Variants in ASTN2 observed in about 807,000 individuals in gnomAD.
ASTN2 encodes astrotactin 2, also known as astrotactin-2.
A neutral mutation model predicts 139.8 loss-of-function variants in ASTN2; 54 were observed. The observed-to-expected ratio is 0.39, with a 90% CI of 0.31 to 0.48. The LOEUF is 0.48. ASTN2 is among the 20% of genes least tolerant of loss of function. ASTN2 has a pLI of 0.95. For synonymous variants in ASTN2, 756 were observed against 719.5 expected, an observed-to-expected ratio of 1.05 and a Z score of -0.81; for missense variants, 1,565 against 1,725.1, an observed-to-expected ratio of 0.91 and a Z score of 1.64.
At chr9:116,928,324 T>C (rs1274173293) in intron 10 of ASTN2, among the ~76,000 whole-genome samples, 2 of 152,190 alleles carry the variant, frequency 1.3e-5, no homozygotes, top group Non-Finnish European at 2.9e-5. Context: ...AGTCCAGCAA[T>C]TTAACCATTA....
chr9:117,278,701 G>T (rs1834253588), intron 2 of ASTN2, among the ~76,000 whole-genome samples: 1 of 152,182 alleles, frequency 6.6e-6, no homozygotes, highest in Admixed American at 6.5e-5. Flanking sequence ...GTGTTATTTT[G>T]CTATTAAAGA....
chr9:116,757,345 C>T (rs1346971713), intron 13 of ASTN2, among the ~76,000 whole-genome samples: 3 of 152,108 alleles, frequency 2.0e-5, no homozygotes, highest in Non-Finnish European at 4.4e-5. Flanking sequence ...TTTTGGCATG[C>T]GTGAACTTAA....
intron 2 of ASTN2, among the ~76,000 whole-genome samples, chr9:117,253,946 C>G (rs1833610313): frequency 6.6e-6 from 1 of 152,136 alleles, no homozygotes; most frequent in Non-Finnish European, 1.5e-5. Context: ...CACCAGGAAG[C>G]CTTTCTGAGT....
chr9:116,940,798 A>G (rs1253647199), intron 10 of ASTN2, among the ~76,000 whole-genome samples: 2 of 151,984 alleles, frequency 1.3e-5, no homozygotes, highest in African/African-American at 4.8e-5. Context: ...CCCACTACTC[A>G]CTCACTGACT....
intron 6 of ASTN2, among the ~76,000 whole-genome samples, chr9:117,029,647 T>C (rs1236719043): frequency 1.3e-5 from 2 of 151,502 alleles, no homozygotes; most frequent in African/African-American, 4.8e-5. Context: ...ACAGAGAGTA[T>C]GGTATGCAAA....
chr9:116,857,597 G>A (rs985923095), intron 11 of ASTN2, among the ~76,000 whole-genome samples: 3 of 152,174 alleles, frequency 2.0e-5, no homozygotes, highest in Admixed American at 6.5e-5. Flanking sequence ...AACTGGAAGG[G>A]AGTCTTGGAA....
At chr9:116,492,236 C>A (rs1415742019) in intron 19 of ASTN2, among the ~76,000 whole-genome samples, 2 of 152,042 alleles carry the variant, frequency 1.3e-5, no homozygotes, top group Non-Finnish European at 2.9e-5. Context: ...TGCCCACCAC[C>A]ATGCCTGGCT....
At chr9:117,284,124 A>G (rs1017534839) in intron 2 of ASTN2, among the ~76,000 whole-genome samples, 1 of 152,122 alleles carries the variant, frequency 6.6e-6, no homozygotes, top group South Asian at 2.1e-4. Flanking sequence ...TCAATTTTTA[A>G]ATGAGGTTGT....
At chr9:116,501,567 T>C (rs1849854622) in intron 19 of ASTN2, among the ~76,000 whole-genome samples, 1 of 152,082 alleles carries the variant, frequency 6.6e-6, no homozygotes, top group Non-Finnish European at 1.5e-5. Flanking sequence ...GTTGAACTAG[T>C]TTACAGTCCC....
At chr9:116,592,225 C>T (rs1854405930) in intron 19 of ASTN2, among the ~76,000 whole-genome samples, 1 of 152,040 alleles carries the variant, frequency 6.6e-6, no homozygotes, top group East Asian at 1.9e-4. Context: ...TGAGAATGGA[C>T]AATTTATAAA....
Position 116,462,787 on chromosome 9 carries a change from C to CGTGTGTGTGTGTGTGTGTGTGTGTGTGT in ASTN2, c.3498-20235_3498-20234insACACACACACACACACACACACACACAC, listed in dbSNP as rs1376062376. Among the ~76,000 whole-genome samples, 37 of 97,634 alleles carry CGTGTGTGTGTGTGTGTGTGTGTGTGTGT rather than the reference C, an allele frequency of 3.8e-4. 1 individual carries two copies. The East Asian group carries it at 0.01, about 28-fold the overall frequency. The allele number at this position is 97,634 out of a possible 152,430, so 64.1% of individuals were successfully genotyped here. On this transcript the variant is annotated intron_variant, in intron 20 of 22. Transcript: ENST00000313400. ...TCTTTAAGGGTAAGTGTTGGGTGAG[C>CGTGTGTGTGTGTGTGTGTGTGTGTGTGT]ATGTGTGTGTGTGTGTGTGTGTGTG...
At chr9:116,607,724 C>CACAT (rs1855286678) in intron 19 of ASTN2, among the ~76,000 whole-genome samples, 1 of 142,756 alleles carries the variant, frequency 7.0e-6, no homozygotes, top group South Asian at 2.2e-4. Context: ...CACACACACA[C>CACAT]GCTGAAGCAG....
chr9:116,854,904 G>A (rs1044023952), intron 11 of ASTN2, among the ~76,000 whole-genome samples: 6 of 151,854 alleles, frequency 4.0e-5, no homozygotes, highest in Middle Eastern at 3.4e-3. Flanking sequence ...CGCCTACCTC[G>A]GCCTCCCAAA....
intron 2 of ASTN2, among the ~76,000 whole-genome samples, chr9:117,284,733 T>C (rs1362118956): frequency 6.6e-6 from 1 of 152,198 alleles, no homozygotes; most frequent in Non-Finnish European, 1.5e-5. Context: ...CAGGGCTGTG[T>C]GTCAGGCTCC....
chr9:116,529,896 T>C (rs948483598), intron 19 of ASTN2, among the ~76,000 whole-genome samples: 3 of 151,948 alleles, frequency 2.0e-5, no homozygotes, highest in Admixed American at 6.6e-5. Context: ...ATTAAACCTC[T>C]TTTGTTTATA....
intron 7 of ASTN2, among the ~76,000 whole-genome samples, chr9:116,981,714 C>G (rs946832235): frequency 6.6e-6 from 1 of 152,120 alleles, no homozygotes; most frequent in Admixed American, 6.5e-5. Flanking sequence ...TTGACATTAC[C>G]AAGTTTTCTA....
In ASTN2 at chr9:116,758,719, A is replaced by G. The variant is rs905145373; in HGVS notation, c.2397-25196T>C. Among the ~76,000 whole-genome samples, 9 of 152,242 alleles carry G rather than the reference A, an allele frequency of 5.9e-5. No homozygotes were observed. The East Asian group carries it at 1.5e-3, about 26-fold the overall frequency. ...GGCCTCGGAGCTTTCTCTGGGATCA[A>G]TGGACAGCTTGAGGGCAGGAGAACT... is the stretch of plus-strand genomic sequence containing the variant. On this transcript the variant is annotated intron_variant, in intron 13 of 22. Coordinates refer to ENST00000313400, the MANE Select transcript of ASTN2 (RefSeq NM_001365068.1).
intron 20 of ASTN2, among the ~76,000 whole-genome samples, chr9:116,465,655 A>G (rs1848627560): frequency 6.6e-6 from 1 of 152,210 alleles, no homozygotes; most frequent in Non-Finnish European, 1.5e-5. Context: ...GTCAGCTGGA[A>G]GCAGCTGCAG....
At chr9:116,609,119 T>C (rs1207262052) in intron 19 of ASTN2, among the ~76,000 whole-genome samples, 1 of 151,830 alleles carries the variant, frequency 6.6e-6, no homozygotes, top group Non-Finnish European at 1.5e-5. Flanking sequence ...TGAATATACA[T>C]GTTGTTGGAG....
Sources: gnomAD v4.1 joint callset for allele counts (sites outside exome capture counted in the v4.1 genomes callset) on GRCh38, gnomAD v4.1.1 for gene constraint, MANE v1.5 for transcripts, NCBI Gene and HGNC (gene_info 2026-07-23, HGNC 2026-07-21) for gene names.